BLTP3A: variants seen among roughly 807,000 people sequenced by gnomAD.
The protein encoded by BLTP3A is bridge-like lipid transfer protein family member 3A, also known as ICBP90 binding protein 1.
At chr6:34,821,431 A>C in the BLTP3A span, 7 of 379,856 alleles carry the variant, frequency 1.8e-5, no homozygotes, top group South Asian at 1.3e-4. Flanking sequence ...GTGTGGTCTG[A>C]GTGCATTTGT....
the BLTP3A span, among the ~76,000 whole-genome samples, chr6:34,840,619 A>C: frequency 1.3e-5 from 2 of 151,220 alleles, no homozygotes; most frequent in Non-Finnish European, 2.9e-5. Context: ...AATTAATTTC[A>C]CTTTTTATTT....
the BLTP3A span, among the ~76,000 whole-genome samples, chr6:34,793,950 A>T: frequency 2.0e-5 from 3 of 151,344 alleles, no homozygotes; most frequent in Non-Finnish European, 4.4e-5. Flanking sequence ...AATGAATAAG[A>T]CCTACTGTTT....
chr6:34,796,952 C>G, the BLTP3A span, among the ~76,000 whole-genome samples: 5 of 152,236 alleles, frequency 3.3e-5, no homozygotes, highest in Non-Finnish European at 7.3e-5. Context: ...ATCCGCCTGC[C>G]TTGGCCTCCC....
At chr6:34,799,132 G>A in the BLTP3A span, among the ~76,000 whole-genome samples, 1 of 152,128 alleles carries the variant, frequency 6.6e-6, no homozygotes, top group South Asian at 2.1e-4. Context: ...AGTAGAGACA[G>A]GGTTTCACCA....
the BLTP3A span, among the ~76,000 whole-genome samples, chr6:34,854,505 C>A: frequency 6.6e-6 from 1 of 152,116 alleles, no homozygotes; most frequent in Non-Finnish European, 1.5e-5. Flanking sequence ...GTGCTTTATA[C>A]ATGTTCTTTT....
At chr6:34,840,290 G>A in the BLTP3A span, among the ~76,000 whole-genome samples, 14 of 151,936 alleles carry the variant, frequency 9.2e-5, no homozygotes, top group African/African-American at 3.1e-4. Context: ...GGTGGCTCAC[G>A]CGTGTAATCC....
the BLTP3A span, among the ~76,000 whole-genome samples, chr6:34,818,265 T>A: frequency 6.6e-6 from 1 of 152,142 alleles, no homozygotes; most frequent in African/African-American, 2.4e-5. Flanking sequence ...ACCCAGGAGT[T>A]TGAGACCAGC....
chr6:34,855,503 G>A, the BLTP3A span: 22 of 1,234,538 alleles, frequency 1.8e-5, no homozygotes, highest in Middle Eastern at 3.9e-4. Context: ...TGGCTGCACC[G>A]TGTTATCAGC....
the BLTP3A span, among the ~76,000 whole-genome samples, chr6:34,805,484 T>C: frequency 2.6e-5 from 4 of 151,476 alleles, no homozygotes; most frequent in Admixed American, 6.6e-5. Context: ...TCCTAGCTAC[T>C]TGGGAGGCTG....
the BLTP3A span, among the ~76,000 whole-genome samples, chr6:34,837,529 T>C: frequency 6.7e-6 from 1 of 148,928 alleles, no homozygotes; most frequent in Non-Finnish European, 1.5e-5. Context: ...TAAAAAAAAA[T>C]TAGCCAGGTG....
the BLTP3A span, chr6:34,859,435 G>A: frequency 1.2e-6 from 2 of 1,614,026 alleles, no homozygotes; most frequent in East Asian, 2.2e-5. Context: ...CATGACCAAG[G>A]ATGCCACCAA....
chr6:34,835,591 G>A, the BLTP3A span: 3 of 1,029,044 alleles, frequency 2.9e-6, no homozygotes, highest in African/African-American at 4.9e-5. Context: ...GTATTCATAG[G>A]CTTTGCCTGC....
the BLTP3A span, among the ~76,000 whole-genome samples, chr6:34,793,710 G>A: frequency 6.6e-6 from 1 of 152,128 alleles, no homozygotes. Flanking sequence ...GTCTGGTTTT[G>A]TGTAAAGATA....
the BLTP3A span, among the ~76,000 whole-genome samples, chr6:34,826,138 C>T: frequency 6.0e-5 from 9 of 149,310 alleles, no homozygotes; most frequent in Admixed American, 4.1e-4. Flanking sequence ...AAGTGATTCT[C>T]CTGCCTCAGC....
At chr6:34,819,563 G>C in the BLTP3A span, among the ~76,000 whole-genome samples, 9 of 152,144 alleles carry the variant, frequency 5.9e-5, no homozygotes, top group Admixed American at 2.0e-4. Context: ...AATTGAGCAG[G>C]GGTGGTTATA....
the BLTP3A span, among the ~76,000 whole-genome samples, chr6:34,836,686 T>C: frequency 6.6e-6 from 1 of 152,224 alleles, no homozygotes; most frequent in Non-Finnish European, 1.5e-5. Flanking sequence ...TAGGCAATCC[T>C]GATGCTTATC....
the BLTP3A span, among the ~76,000 whole-genome samples, chr6:34,800,685 T>C: frequency 6.6e-6 from 1 of 152,174 alleles, no homozygotes; most frequent in Non-Finnish European, 1.5e-5. Flanking sequence ...TCAGTATCTA[T>C]AGTAAAGCAG....
At chr6:34,866,686 A>T in the BLTP3A span, among the ~76,000 whole-genome samples, 1 of 152,170 alleles carries the variant, frequency 6.6e-6, no homozygotes, top group Admixed American at 6.5e-5. Context: ...TATCTGCAGG[A>T]TGTTTTTCTT....
At chr6:34,834,177 TC>T in the BLTP3A span, 1 of 1,592,028 alleles carries the variant, frequency 6.3e-7, no homozygotes. Context: ...GCAGAAAGTC[TC>T]CCATAATTCT....
Sources: allele counts gnomAD v4.1 joint callset (sites outside exome capture counted in the v4.1 genomes callset), GRCh38; gene constraint gnomAD v4.1.1; transcripts MANE v1.5; gene names NCBI Gene and HGNC (gene_info 2026-07-23, HGNC 2026-07-21).